The following PIAS1 variants were observed in gnomAD, a reference collection of about 807,000 sequenced individuals.
PIAS1 encodes protein inhibitor of activated STAT 1.
A neutral mutation model predicts 71.3 loss-of-function variants in PIAS1; 6 were observed. That is an observed-to-expected ratio of 0.08 (90% confidence interval 0.05 to 0.17). The LOEUF is 0.17. PIAS1 is among the 10% of genes least tolerant of loss of function. The pLI is 1.00. For missense variants in PIAS1, 555 were observed against 793.6 expected, an observed-to-expected ratio of 0.70 and a Z score of 3.61; for synonymous variants, 303 against 292.9, an observed-to-expected ratio of 1.03 and a Z score of -0.35.
chr15:68,057,066 CA>C (rs1392828758), intron 1 of PIAS1, among the ~76,000 whole-genome samples: 2 of 152,108 alleles, frequency 1.3e-5, no homozygotes, highest in African/African-American at 4.8e-5. Context: ...TTATTTTCCT[CA>C]TGGCTTTTTT....
chr15:68,106,763 A>G (rs900339040), intron 2 of PIAS1, among the ~76,000 whole-genome samples: 1 of 152,238 alleles, frequency 6.6e-6, no homozygotes, highest in African/African-American at 2.4e-5. Flanking sequence ...AAGGGGGATT[A>G]GGCTCTAACG....
intron 7 of PIAS1, among the ~76,000 whole-genome samples, chr15:68,160,194 A>G (rs1407962335): frequency 6.6e-6 from 1 of 152,182 alleles, no homozygotes; most frequent in Non-Finnish European, 1.5e-5. Context: ...CCTAAATGAA[A>G]GTCACAAACA....
rs541235928 is a variant in PIAS1 at position 68,171,739 on chromosome 15, A to C, written c.1009-1993A>C. 1.8e-4 allele frequency among the ~76,000 whole-genome samples: 27 copies of C among 152,332 alleles called. No homozygotes were observed. Among genetic ancestry groups the C allele is most frequent in the Middle Eastern group, 3.4e-3 (1 of 294 alleles). ...AAGGCTAAATGCCTTTCTTAGAGACACAGTAAATCATCGGTATCAAAGCAA... is the reference window on the plus strand; with the variant it reads ...AAGGCTAAATGCCTTTCTTAGAGACCCAGTAAATCATCGGTATCAAAGCAA... On this transcript the variant is annotated intron_variant, in intron 8 of 13. Coordinates refer to ENST00000249636, the MANE Select transcript of PIAS1 (RefSeq NM_016166.3). The surrounding 1 kb of genome is among the most constrained non-coding windows in gnomAD (Gnocchi z 4.4).
intron 2 of PIAS1, among the ~76,000 whole-genome samples, chr15:68,119,102 A>G (rs1440958133): frequency 5.6e-5 from 2 of 35,844 alleles, no homozygotes; most frequent in African/African-American, 2.4e-4. Flanking sequence ...AAATAACCCA[A>G]TTAAAAACTG....
intron 4 of PIAS1, among the ~76,000 whole-genome samples, chr15:68,143,966 T>A (rs1292672433): frequency 6.6e-6 from 1 of 152,114 alleles, no homozygotes; most frequent in Non-Finnish European, 1.5e-5. Context: ...AGTTACTAAG[T>A]ATTTTGTATT....
intron 2 of PIAS1, among the ~76,000 whole-genome samples, chr15:68,131,428 A>G (rs1329691866): frequency 6.6e-6 from 1 of 152,128 alleles, no homozygotes; most frequent in African/African-American, 2.4e-5. Flanking sequence ...TACTCTTAGC[A>G]ATTTTAAAAT....
chr15:68,055,249 A>G, intron 1 of PIAS1: 1 of 977,892 alleles, frequency 1.0e-6, no homozygotes, highest in Non-Finnish European at 1.2e-6. Context: ...GTTCGTGTTT[A>G]TATCCCCCCA....
intron 6 of PIAS1, among the ~76,000 whole-genome samples, chr15:68,146,911 C>G (rs1424576088): frequency 6.6e-6 from 1 of 152,146 alleles, no homozygotes; most frequent in Non-Finnish European, 1.5e-5. Context: ...CACAATTGAT[C>G]ATAAATGTCC....
At chr15:68,145,996 T>C (rs368980104) in intron 5 of PIAS1, 90 bp downstream of exon 5, 3 of 810,818 alleles carry the variant, frequency 3.7e-6, no homozygotes, top group African/African-American at 1.7e-5. Context: ...AGTTTTTCCT[T>C]AAGAAAACAT....
At chr15:68,111,501 T>C (rs2141010138) in intron 2 of PIAS1, among the ~76,000 whole-genome samples, 1 of 152,310 alleles carries the variant, frequency 6.6e-6, no homozygotes, top group Non-Finnish European at 1.5e-5. Flanking sequence ...ATTAGAGGTA[T>C]GAATTGGATG....
chr15:68,104,102 A>G (rs1374310528), intron 2 of PIAS1, among the ~76,000 whole-genome samples: 1 of 152,182 alleles, frequency 6.6e-6, no homozygotes, highest in Non-Finnish European at 1.5e-5. Context: ...AACACTTGTT[A>G]TTATATGCCT....
chr15:68,180,193 C>G (rs1170371076), intron 11 of PIAS1, among the ~76,000 whole-genome samples: 1 of 152,162 alleles, frequency 6.6e-6, no homozygotes, highest in East Asian at 1.9e-4. Context: ...CTCGACCCCC[C>G]AGGCTCAAGC....
Position 68,054,495 on chromosome 15 carries a change from C to T in PIAS1, c.24+145C>T, listed in dbSNP as rs909335970. ...TTGTAGGGAGAGAGGCGCGCCCGGT[C>T]TCAGCAGAGGGGGCCCGCCTGCGGC... On this transcript the variant is annotated intron_variant, in intron 1 of 13. Coordinates refer to ENST00000249636, the MANE Select transcript of PIAS1 (RefSeq NM_016166.3). This position sits in a 1 kb window ranked among gnomAD's most constrained non-coding sequence, Gnocchi z 4.6. 3.7e-6 allele frequency: 3 copies of T among 817,548 alleles called. No individual in the cohort carries two copies. Among genetic ancestry groups the T allele is most frequent in the African/African-American group, 3.6e-5 (2 of 55,128 alleles). The allele number at this position is 817,548 out of a possible 1,614,324, so 50.6% of individuals were successfully genotyped here. A position where few individuals can be genotyped will look rare whatever the true frequency, so the allele number is the denominator to read the frequency against.
Position 68,153,675 on chromosome 15 carries a change from C to T in PIAS1, c.914C>T (p.Pro305Leu), listed in dbSNP as rs1197475971. 6 of 1,553,510 alleles carry T rather than the reference C, an allele frequency of 3.9e-6. No homozygotes were observed. Among genetic ancestry groups the T allele is most frequent in the Non-Finnish European group, 3.6e-6 (4 of 1,125,310 alleles). Residue 305 changes from proline to leucine, a missense_variant, in exon 7 of 14, where the codon CCG becomes CTG. Physicochemically the swap from Pro to Leu is moderately conservative, Grantham distance 98. Transcript: ENST00000249636. ...QRLRAKGIRNPDHSRALIKEK... is the reference protein window; with the variant it reads ...QRLRAKGIRNLDHSRALIKEK... ...TTACGAGCAAAGGGAATAAGGAATC[C>T]GGATCATTCTAGAGCTTTAAGTACG...
intron 1 of PIAS1, among the ~76,000 whole-genome samples, chr15:68,077,250 A>G (rs2092176601): frequency 6.6e-6 from 1 of 152,320 alleles, no homozygotes; most frequent in African/African-American, 2.4e-5. Flanking sequence ...GTTAGGTTAT[A>G]TTGGTAAAAA....
Position 68,054,487 on chromosome 15 carries a change from C to A in PIAS1, c.24+137C>A. The A allele has an allele frequency of 1.1e-6, 1 of 897,138 alleles. No homozygotes were observed. The highest frequency in any genetic ancestry group is 1.7e-6 in the Non-Finnish European group (1 of 595,740). 55.6% of individuals were successfully genotyped at this position (897,138 alleles called of 1,614,324 possible). On this transcript the variant is annotated intron_variant, in intron 1 of 13. Coordinates refer to ENST00000249636, the MANE Select transcript of PIAS1 (RefSeq NM_016166.3). The surrounding 1 kb of genome is among the most constrained non-coding windows in gnomAD (Gnocchi z 4.6). ...GCCTGGAGTTGTAGGGAGAGAGGCG[C>A]GCCCGGTCTCAGCAGAGGGGGCCCG... is the stretch of plus-strand genomic sequence containing the variant.
At chr15:68,081,060 C>T (rs749357807) in intron 1 of PIAS1, among the ~76,000 whole-genome samples, 3 of 152,188 alleles carry the variant, frequency 2.0e-5, no homozygotes, top group Non-Finnish European at 2.9e-5. Context: ...TGCTTGTTGA[C>T]GTTGTTTGAG....
intron 2 of PIAS1, among the ~76,000 whole-genome samples, chr15:68,130,752 A>C (rs2092683673): frequency 6.6e-6 from 1 of 152,020 alleles, no homozygotes; most frequent in Non-Finnish European, 1.5e-5. Context: ...AGAATTTATC[A>C]GAATATTGGA....
chr15:68,155,781 A>G (rs1017449835), intron 7 of PIAS1, among the ~76,000 whole-genome samples: 2 of 152,160 alleles, frequency 1.3e-5, no homozygotes, highest in Admixed American at 1.3e-4. Flanking sequence ...CAACTATGAA[A>G]AACAGTCTTT....
Sources: allele counts gnomAD v4.1 joint callset (sites outside exome capture counted in the v4.1 genomes callset), GRCh38; gene constraint gnomAD v4.1.1; non-coding constraint Gnocchi (gnomAD v3.1); transcripts MANE v1.5; gene names NCBI Gene and HGNC (gene_info 2026-07-23, HGNC 2026-07-21).